The following KDM4C variants were observed in gnomAD, a reference collection of about 807,000 sequenced individuals.
The protein encoded by KDM4C is lysine demethylase 4C.
In KDM4C, 81 loss-of-function variants were observed where a neutral mutation model predicts 129.3. The ratio of observed to expected loss-of-function variants is 0.63; its 90% CI spans 0.52 to 0.75. KDM4C has a LOEUF of 0.75. Among genes scored for constraint, KDM4C ranks in the 30% least tolerant of loss-of-function variants. The pLI is 0.00. For missense variants in KDM4C, 1,457 were observed against 1,304.0 expected, an observed-to-expected ratio of 1.12 and a Z score of -1.81; for synonymous variants, 573 against 456.1, an observed-to-expected ratio of 1.26 and a Z score of -3.26.
Position 7,049,072 on chromosome 9 carries a change from TA to T in KDM4C, c.2316-18del. ...AGTTTAGGGAACTTTTGTTTATGTT[TA>T]ATGTCTCCTTTCCTGTAGGTGGGCC... On this transcript the variant is annotated intron_variant, in intron 16 of 21. Transcript: ENST00000381309. The T allele has an allele frequency of 1.9e-6, 3 of 1,564,868 alleles. No individual in the cohort carries two copies. Among genetic ancestry groups the T allele is most frequent in the Non-Finnish European group, 2.6e-6 (3 of 1,137,616 alleles).
chr9:7,062,867 A>T (rs1023789830), intron 17 of KDM4C, among the ~76,000 whole-genome samples: 1 of 152,016 alleles, frequency 6.6e-6, no homozygotes, highest in African/African-American at 2.4e-5. Context: ...CTTTTTTTCC[A>T]CTTTGAGGAG....
intron 8 of KDM4C, among the ~76,000 whole-genome samples, chr9:6,903,621 C>G (rs1817777144): frequency 1.3e-5 from 2 of 152,134 alleles, no homozygotes. Flanking sequence ...AGAATTGTAA[C>G]TAAAATGTCC....
chr9:6,796,524 C>G (rs768484236), intron 2 of KDM4C, among the ~76,000 whole-genome samples: 17 of 152,118 alleles, frequency 1.1e-4, no homozygotes, highest in Non-Finnish European at 2.5e-4. Context: ...TAGGGTGGCA[C>G]GTTCAGTAAC....
At chr9:7,137,480 G>T (rs976524355) in intron 19 of KDM4C, among the ~76,000 whole-genome samples, 4 of 152,134 alleles carry the variant, frequency 2.6e-5, no homozygotes, top group African/African-American at 7.2e-5. Flanking sequence ...AAAATGGTAC[G>T]TTAGCTGCCT....
intron 1 of KDM4C, among the ~76,000 whole-genome samples, chr9:6,773,148 C>T (rs1172429988): frequency 6.6e-6 from 1 of 151,654 alleles, no homozygotes; most frequent in African/African-American, 2.4e-5. Context: ...TACAGGTGCA[C>T]ACTACTACAC....
At chr9:7,020,744 G>C (rs186108382) in intron 15 of KDM4C, among the ~76,000 whole-genome samples, 51 of 152,224 alleles carry the variant, frequency 3.4e-4, no homozygotes, top group African/African-American at 1.2e-3. Context: ...CAGACATGCA[G>C]TACATAATAA....
At chr9:7,011,068 A>AGAAATATAC (rs1349224097) in intron 12 of KDM4C, among the ~76,000 whole-genome samples, 4 of 152,144 alleles carry the variant, frequency 2.6e-5, no homozygotes, top group Non-Finnish European at 5.9e-5. Flanking sequence ...AGAAAGAAAA[A>AGAAATATAC]GAAATATACA....
At chr9:6,949,575 C>T (rs553905433) in intron 8 of KDM4C, among the ~76,000 whole-genome samples, 1 of 152,244 alleles carries the variant, frequency 6.6e-6, no homozygotes, top group Admixed American at 6.5e-5. Context: ...GAACGAGACT[C>T]CATCTGCAAT....
chr9:6,994,105 G>A (rs1819260032), intron 12 of KDM4C, among the ~76,000 whole-genome samples: 1 of 152,144 alleles, frequency 6.6e-6, no homozygotes, highest in East Asian at 1.9e-4. Context: ...ATCATAGGGA[G>A]TGTGCAACCT....
chr9:6,984,323 A>G lies in KDM4C; in HGVS notation c.1273A>G (p.Thr425Ala), dbSNP rs1817305219. 1.2e-6 allele frequency: 2 copies of G among 1,613,982 alleles called. No individual in the cohort carries two copies. The highest frequency in any genetic ancestry group is 2.2e-5 in the South Asian group (2 of 91,086). ...KSEAAVKLRNTEASSEEESSA... is the reference protein window; with the variant it reads ...KSEAAVKLRNAEASSEEESSA... Reference sequence around the variant, plus strand: ...AGAAGCAGCAGTGAAGCTGAGGAACACAGAAGCATCTTCAGAAGAAGAGTC... The same window carrying G: ...AGAAGCAGCAGTGAAGCTGAGGAACGCAGAAGCATCTTCAGAAGAAGAGTC... Residue 425 changes from threonine to alanine, a missense_variant, in exon 10 of 22, where the codon ACA becomes GCA. Coordinates refer to ENST00000381309, the MANE Select transcript of KDM4C (RefSeq NM_015061.6).
rs116608540 is a variant in KDM4C at position 7,080,311 on chromosome 9, T to C, written c.2425-23374T>C. ...CTGCAAAGAGACCCTAGAGCCCAAATGTTGAGATCACAGCACTTTGTCAGC... is the reference window on the plus strand; with the variant it reads ...CTGCAAAGAGACCCTAGAGCCCAAACGTTGAGATCACAGCACTTTGTCAGC... On this transcript the variant is annotated intron_variant, in intron 17 of 21. Transcript: ENST00000381309. Among the ~76,000 whole-genome samples, 830 of 152,270 alleles carry C rather than the reference T, an allele frequency of 5.5e-3. 9 individuals are homozygous for C. The highest frequency in any genetic ancestry group is 0.019 in the African/African-American group (799 of 41,554).
chr9:6,994,668 T>C (rs1197621538), intron 12 of KDM4C, among the ~76,000 whole-genome samples: 1 of 152,160 alleles, frequency 6.6e-6, no homozygotes, highest in Non-Finnish European at 1.5e-5. Context: ...AAATCAGCCA[T>C]TAAAAAGTTA....
At chr9:7,061,613 C>G (rs911024071) in intron 17 of KDM4C, among the ~76,000 whole-genome samples, 2 of 152,172 alleles carry the variant, frequency 1.3e-5, no homozygotes, top group Admixed American at 6.5e-5. Flanking sequence ...GGGTAAAAGC[C>G]TGGCTGTGGG....
Position 6,953,577 on chromosome 9 carries a change from G to A in KDM4C, c.922-27348G>A, listed in dbSNP as rs541829007. 1.2e-4 allele frequency among the ~76,000 whole-genome samples: 18 copies of A among 152,258 alleles called. 1 individual carries two copies. The highest frequency in any genetic ancestry group is 3.9e-4 in the African/African-American group (16 of 41,558). ...TTTGATAGCTCATTTTGAAAATAAT[G>A]TGTATTTAAGGGAGTAATATTTTGT... On this transcript the variant is annotated intron_variant, in intron 8 of 21. Coordinates refer to ENST00000381309, the MANE Select transcript of KDM4C (RefSeq NM_015061.6).
At chr9:7,165,689 T>A (rs1014572802) in intron 20 of KDM4C, among the ~76,000 whole-genome samples, 1 of 152,258 alleles carries the variant, frequency 6.6e-6, no homozygotes, top group Non-Finnish European at 1.5e-5. Context: ...TCATCTAACC[T>A]TCAGCCAAGA....
chr9:6,749,164 C>T (rs1055184141), intron 1 of KDM4C, among the ~76,000 whole-genome samples: 8 of 152,208 alleles, frequency 5.3e-5, no homozygotes, highest in Non-Finnish European at 8.8e-5. Context: ...GGATTACAGG[C>T]ATGCACCACC....
intron 12 of KDM4C, among the ~76,000 whole-genome samples, chr9:6,990,948 A>G (rs1238079878): frequency 2.0e-5 from 3 of 152,070 alleles, no homozygotes; most frequent in African/African-American, 7.2e-5. Context: ...ATCCTTTTCC[A>G]TATCCTTTTG....
At chr9:7,096,564 C>G (rs1021363686) in intron 17 of KDM4C, among the ~76,000 whole-genome samples, 30 of 152,150 alleles carry the variant, frequency 2.0e-4, no homozygotes, top group African/African-American at 6.5e-4. Context: ...GTCAGACAGA[C>G]AACTATGAAA....
At chr9:6,861,173 G>C (rs1195770337) in intron 5 of KDM4C, among the ~76,000 whole-genome samples, 2 of 152,060 alleles carry the variant, frequency 1.3e-5, no homozygotes, top group Non-Finnish European at 2.9e-5. Flanking sequence ...GATTTATATA[G>C]CTCTAATGGT....
Sources: allele counts gnomAD v4.1 joint callset (sites outside exome capture counted in the v4.1 genomes callset), GRCh38; gene constraint gnomAD v4.1.1; transcripts MANE v1.5; gene names NCBI Gene and HGNC (gene_info 2026-07-23, HGNC 2026-07-21).